SIMC1: variants seen among roughly 807,000 people sequenced by gnomAD.
SIMC1 encodes the protein SUMO interacting motifs containing 1.
SIMC1 carries 55 observed loss-of-function variants against 82.3 expected under a neutral mutation model. The ratio of observed to expected loss-of-function variants is 0.67; its 90% CI spans 0.54 to 0.84. The LOEUF (loss-of-function observed/expected upper bound fraction) is 0.84. Ranked by LOEUF, SIMC1 falls within the 40% of genes least tolerant of loss-of-function variation. The pLI, the probability that SIMC1 is intolerant of heterozygous loss-of-function variation, is 0.00. For synonymous variants in SIMC1, 353 were observed against 426.3 expected, an observed-to-expected ratio of 0.83 and a Z score of 2.12; for missense variants, 915 against 1,107.2, an observed-to-expected ratio of 0.83 and a Z score of 2.46.
intron 7 of SIMC1, among the ~76,000 whole-genome samples, chr5:176,326,631 C>T (rs1168153714): frequency 6.6e-6 from 1 of 152,114 alleles, no homozygotes; most frequent in Non-Finnish European, 1.5e-5. Flanking sequence ...GTGGTGGGAT[C>T]TCAGCTCACT....
intron 1 of SIMC1, among the ~76,000 whole-genome samples, chr5:176,246,751 C>A: frequency 6.6e-6 from 1 of 151,694 alleles, no homozygotes; most frequent in East Asian, 1.9e-4. Context: ...TAATGCAATC[C>A]CTCCCCTAGC....
At chr5:176,251,538 C>G (rs1212207859) in intron 1 of SIMC1, among the ~76,000 whole-genome samples, 1 of 151,674 alleles carries the variant, frequency 6.6e-6, no homozygotes, top group African/African-American at 2.4e-5. Context: ...ACTTATGAAG[C>G]ATAGTCTGGC....
intron 1 of SIMC1, among the ~76,000 whole-genome samples, chr5:176,259,495 G>T (rs1011857959): frequency 6.6e-6 from 1 of 152,140 alleles, no homozygotes; most frequent in South Asian, 2.1e-4. Flanking sequence ...TAAGTAGGCC[G>T]GGTGTGGTGG....
chr5:176,305,757 A>G (rs866073937), intron 4 of SIMC1, among the ~76,000 whole-genome samples: 2,841 of 13,134 alleles, frequency 0.22, 321 homozygotes, highest in Middle Eastern at 0.33. Context: ...GAGGGAGGTG[A>G]GGGGGTCAGC....
At chr5:176,252,432 C>T (rs1198394005) in intron 1 of SIMC1, among the ~76,000 whole-genome samples, 5 of 151,162 alleles carry the variant, frequency 3.3e-5, no homozygotes, top group East Asian at 2.0e-4. Flanking sequence ...ACAGGGCGGC[C>T]GGGCAGAGAC....
At chr5:176,343,484 A>G (rs879371420) in intron 9 of SIMC1, among the ~76,000 whole-genome samples, 14 of 152,358 alleles carry the variant, frequency 9.2e-5, no homozygotes, top group African/African-American at 2.9e-4. Flanking sequence ...AGATACCTTT[A>G]TAACTTTTTG....
intron 4 of SIMC1, 153 bp from the exon 5 acceptor site, chr5:176,313,538 C>A: frequency 6.5e-7 from 1 of 1,544,250 alleles, no homozygotes; most frequent in Non-Finnish European, 8.9e-7. Flanking sequence ...ATGACCCAGA[C>A]TACCTGCCCT....
In SIMC1 at chr5:176,308,997, T is replaced by C. The variant is rs1446078893; in HGVS notation, c.1735-4694T>C. ...GAAAAGGAAGAGCTTATGCAAGAAC[T>C]TTCTTCTCTGGAATAAAGCAGGAGA... On this transcript the variant is annotated intron_variant, in intron 4 of 9. Coordinates refer to ENST00000429602, the MANE Select transcript of SIMC1 (RefSeq NM_001308195.2). The C allele has an allele frequency of 3.6e-6, 3 of 837,190 alleles. No homozygotes were observed. The East Asian group carries it at 7.2e-5, about 20-fold the overall frequency. The allele number at this position is 837,190 out of a possible 1,614,324, so 51.9% of individuals were successfully genotyped here. A position where few individuals can be genotyped will look rare whatever the true frequency, so the allele number is the denominator to read the frequency against.
chr5:176,248,817 T>C (rs546932139), intron 1 of SIMC1, among the ~76,000 whole-genome samples: 1 of 152,202 alleles, frequency 6.6e-6, no homozygotes, highest in East Asian at 1.9e-4. Context: ...TAGCATGAAG[T>C]GGTGTTGAAT....
chr5:176,273,070 T>A (rs1201279862), intron 1 of SIMC1, among the ~76,000 whole-genome samples: 1 of 152,188 alleles, frequency 6.6e-6, no homozygotes, highest in Non-Finnish European at 1.5e-5. Flanking sequence ...ATCTGACAGC[T>A]TTGAAGAGAG....
intron 4 of SIMC1, among the ~76,000 whole-genome samples, chr5:176,301,802 A>G (rs1329904389): frequency 6.6e-6 from 1 of 151,846 alleles, no homozygotes; most frequent in Non-Finnish European, 1.5e-5. Context: ...AAGGAAAAGT[A>G]AAAAACTACA....
Position 176,290,465 on chromosome 5 carries a change from A to G in SIMC1, c.941A>G (p.Asp314Gly), listed in dbSNP as rs779358279. The G allele has an allele frequency of 6.2e-7, 1 of 1,613,846 alleles. No individual in the cohort carries two copies. Among genetic ancestry groups the G allele is most frequent in the South Asian group, 1.1e-5 (1 of 91,072 alleles). ...YLQDMPRSPG[D>G]VPQSPSDVSP... ...CAAGACATGCCACGGTCACCAGGAG[A>G]TGTGCCACAGTCACCAAGTGATGTT... is the stretch of plus-strand genomic sequence containing the variant. The change falls in exon 2 of 10, where the codon GAT becomes GGT. Residue 314 changes from aspartate (D) to glycine (G), a missense_variant. Around this residue, in one of 2 missense-constraint regions of SIMC1, gnomAD observed 902 missense variants for 1,040.3 expected, o/e 0.87. Transcript: ENST00000429602.
intron 1 of SIMC1, among the ~76,000 whole-genome samples, chr5:176,252,796 A>G (rs1412853812): frequency 6.6e-6 from 1 of 152,124 alleles, no homozygotes; most frequent in Non-Finnish European, 1.5e-5. Context: ...GGCGGCTGGG[A>G]GGTGTAGGTT....
intron 1 of SIMC1, among the ~76,000 whole-genome samples, chr5:176,288,398 G>C (rs1299191050): frequency 6.7e-6 from 1 of 148,620 alleles, no homozygotes; most frequent in East Asian, 2.0e-4. Context: ...AACAGAGCGA[G>C]ACTCCATCTC....
chr5:176,335,273 CTTT>C (rs1225021593), intron 7 of SIMC1, among the ~76,000 whole-genome samples: 1 of 98,666 alleles, frequency 1.0e-5, no homozygotes. Context: ...TTCTTTGTAT[CTTT>C]TTTTTTTTTT....
chr5:176,244,907 G>C (rs949910992), intron 1 of SIMC1, among the ~76,000 whole-genome samples: 10 of 151,744 alleles, frequency 6.6e-5, no homozygotes, highest in Non-Finnish European at 2.9e-5. Context: ...TTTTAGTAGA[G>C]ACAGGGTTTT....
intron 1 of SIMC1, among the ~76,000 whole-genome samples, chr5:176,283,231 A>C (rs4868628): frequency 0.59 from 89,575 of 151,982 alleles, 26,520 homozygotes; most frequent in Middle Eastern, 0.63. Flanking sequence ...GTCAGATTCA[A>C]CAAAGTTGAA....
At chr5:176,324,947 T>A (rs1026430773) in intron 7 of SIMC1, among the ~76,000 whole-genome samples, 190 bp downstream of exon 7, 3 of 152,336 alleles carry the variant, frequency 2.0e-5, no homozygotes, top group African/African-American at 7.2e-5. Flanking sequence ...GTCTTTGACT[T>A]TTGGAAAGGA....
intron 1 of SIMC1, among the ~76,000 whole-genome samples, chr5:176,286,897 A>G (rs190095858): frequency 8.5e-5 from 13 of 152,242 alleles, no homozygotes; most frequent in East Asian, 7.7e-4. Flanking sequence ...ATCACTGGCT[A>G]TCGGAGAAAT....
Sources: gnomAD v4.1 joint callset for allele counts (sites outside exome capture counted in the v4.1 genomes callset) on GRCh38, gnomAD v4.1.1 for gene constraint, gnomAD v4.1.1 regional missense constraint, MANE v1.5 for transcripts, NCBI Gene and HGNC (gene_info 2026-07-23, HGNC 2026-07-21) for gene names.